Variants in MAP2 observed in about 807,000 individuals in gnomAD.
MAP2 encodes the protein microtubule-associated protein 2.
Under a neutral mutation model 137.6 loss-of-function variants are expected in MAP2, and 14 were observed. That is an observed-to-expected ratio of 0.10 (90% CI 0.07 to 0.16). The LOEUF is 0.16. Among genes scored for constraint, MAP2 ranks in the 10% least tolerant of loss-of-function variants. MAP2 has a pLI of 1.00. For missense variants in MAP2, 2,088 were observed against 2,191.5 expected (o/e 0.95, Z 0.94); for synonymous variants, 786 against 782.3 (o/e 1.00, Z -0.08).
intron 10 of MAP2, among the ~76,000 whole-genome samples, chr2:209,698,870 A>G (rs564845498): frequency 6.6e-6 from 1 of 152,204 alleles, no homozygotes; most frequent in African/African-American, 2.4e-5. Flanking sequence ...TAAAAACTCT[A>G]TAACCTACCT....
intron 2 of MAP2, among the ~76,000 whole-genome samples, chr2:209,538,037 C>G (rs2066259342): frequency 1.3e-5 from 2 of 152,104 alleles, no homozygotes; most frequent in Admixed American, 1.3e-4. Flanking sequence ...CAGATTGAAC[C>G]CAGTCTATCT....
chr2:209,713,227 A>G (rs1216484496), intron 13 of MAP2, among the ~76,000 whole-genome samples: 1 of 152,220 alleles, frequency 6.6e-6, no homozygotes, highest in African/African-American at 2.4e-5. Context: ...AAATTGGTAG[A>G]GGAAATCTAT....
chr2:209,715,844 A>C (rs948890730), intron 13 of MAP2, among the ~76,000 whole-genome samples: 3 of 152,324 alleles, frequency 2.0e-5, no homozygotes, highest in Middle Eastern at 6.8e-3. Context: ...TGCTATTATT[A>C]CATTATTATT....
intron 1 of MAP2, among the ~76,000 whole-genome samples, chr2:209,435,199 AGTT>A (rs1208382169): frequency 6.6e-6 from 1 of 151,414 alleles, no homozygotes; most frequent in Non-Finnish European, 1.5e-5. Flanking sequence ...GTTCTCCTCT[AGTT>A]GACAGTCACT....
chr2:209,529,636 C>A (rs767894039), intron 2 of MAP2, among the ~76,000 whole-genome samples: 1 of 152,028 alleles, frequency 6.6e-6, no homozygotes, highest in Non-Finnish European at 1.5e-5. Flanking sequence ...AAATAGAATT[C>A]AATCTAAAAT....
At chr2:209,480,281 A>C (rs952892325) in intron 1 of MAP2, among the ~76,000 whole-genome samples, 2 of 152,152 alleles carry the variant, frequency 1.3e-5, no homozygotes, top group African/African-American at 4.8e-5. Context: ...ACTTAGTACT[A>C]TACCCTTTAG....
At chr2:209,479,725 A>C (rs920020373) in intron 1 of MAP2, among the ~76,000 whole-genome samples, 1 of 152,164 alleles carries the variant, frequency 6.6e-6, no homozygotes, top group Non-Finnish European at 1.5e-5. Flanking sequence ...TACATAAAAC[A>C]ATATTTTTAG....
In MAP2 at chr2:209,634,843, C is replaced by T. The variant is rs557819758; in HGVS notation, c.-30+9714C>T. 3.3e-5 allele frequency among the ~76,000 whole-genome samples: 5 copies of T among 152,188 alleles called. No individual in the cohort carries two copies. In the South Asian group the frequency reaches 1.0e-3, roughly 32 times the overall value. ...TAAAATAGTAAATGTATTAAATACA[C>T]TAGTTTATCGAACTTAATTCTTATA... On this transcript the variant is annotated intron_variant, in intron 4 of 15. Transcript: ENST00000682079.
At chr2:209,726,449 C>T (rs1040214088) in intron 14 of MAP2, among the ~76,000 whole-genome samples, 2 of 152,092 alleles carry the variant, frequency 1.3e-5, no homozygotes, top group Non-Finnish European at 2.9e-5. Flanking sequence ...TCATGTATTA[C>T]ATGTTTTTGT....
intron 4 of MAP2, among the ~76,000 whole-genome samples, chr2:209,635,052 A>G (rs1316063288): frequency 6.6e-6 from 1 of 152,120 alleles, no homozygotes; most frequent in African/African-American, 2.4e-5. Context: ...AGCTATGATC[A>G]TGCCACTACA....
At chr2:209,473,111 A>G (rs960945112) in intron 1 of MAP2, among the ~76,000 whole-genome samples, 10 of 152,118 alleles carry the variant, frequency 6.6e-5, no homozygotes, top group Non-Finnish European at 1.5e-4. Context: ...TCCTCCCCAC[A>G]TCAACTATTA....
chr2:209,472,601 T>C (rs1331222667), intron 1 of MAP2, among the ~76,000 whole-genome samples: 1 of 152,144 alleles, frequency 6.6e-6, no homozygotes, highest in Non-Finnish European at 1.5e-5. Context: ...GCTTGAGTGT[T>C]GAAATACCTC....
At chr2:209,661,545 A>C (rs768824748) in intron 5 of MAP2, 14 of 985,430 alleles carry the variant, frequency 1.4e-5, no homozygotes, top group Non-Finnish European at 1.6e-5. Context: ...ACTGCGAAGC[A>C]TCTGGGCCTG....
chr2:209,549,576 A>G (rs1243873412), intron 2 of MAP2, among the ~76,000 whole-genome samples: 1 of 152,138 alleles, frequency 6.6e-6, no homozygotes, highest in Non-Finnish European at 1.5e-5. Flanking sequence ...TTTGTAAAAG[A>G]TATTTGTTTA....
intron 13 of MAP2, among the ~76,000 whole-genome samples, chr2:209,716,029 C>CGCAGGAGTAGT (rs1474795239): frequency 6.6e-6 from 1 of 152,102 alleles, no homozygotes; most frequent in Non-Finnish European, 1.5e-5. Flanking sequence ...ACTACCTTAG[C>CGCAGGAGTAGT]GCAGGATACA....
intron 4 of MAP2, among the ~76,000 whole-genome samples, chr2:209,649,022 T>C (rs760548948): frequency 1.8e-4 from 28 of 152,192 alleles, no homozygotes; most frequent in South Asian, 1.5e-3. Context: ...GTCTTTGTCT[T>C]CACTTTTTTA....
chr2:209,518,585 T>G (rs1394043090), intron 2 of MAP2, among the ~76,000 whole-genome samples: 2 of 152,202 alleles, frequency 1.3e-5, no homozygotes, highest in Non-Finnish European at 2.9e-5. Flanking sequence ...CCTTCTTTCT[T>G]AGTCTTCCAC....
At chr2:209,705,006 A>G (rs2062965710) in intron 11 of MAP2, among the ~76,000 whole-genome samples, 1 of 151,748 alleles carries the variant, frequency 6.6e-6, no homozygotes, top group Admixed American at 6.6e-5. Context: ...ACTAAACGTC[A>G]TATACATCAG....
chr2:209,694,131 C>A lies in MAP2; in HGVS notation c.1961C>A (p.Ser654Tyr), dbSNP rs1352591650. 2.5e-6 allele frequency: 4 copies of A among 1,613,914 alleles called. No homozygotes were observed. The highest frequency in any genetic ancestry group is 3.4e-6 in the Non-Finnish European group (4 of 1,179,982). The change falls in exon 8 of 16, where the codon TCT becomes TAT. Residue 654 changes from serine (S) to tyrosine (Y), a missense_variant. Ser to Tyr is a moderately radical substitution (Grantham distance 144). Around this residue, in one of 6 missense-constraint regions of MAP2, gnomAD observed 859 missense variants for 794.5 expected, o/e 1.08. Transcript: ENST00000682079. ...TCAGATTTACCTGAAGAACCCAGTT[C>A]TCCTCAAGAAAGAATGTTCACTATT... ...YPSDLPEEPS[S>Y]PQERMFTIDP...
Sources: allele counts gnomAD v4.1 joint callset (sites outside exome capture counted in the v4.1 genomes callset), GRCh38; gene constraint gnomAD v4.1.1; regional missense constraint gnomAD v4.1.1; transcripts MANE v1.5; gene names NCBI Gene and HGNC (gene_info 2026-07-23, HGNC 2026-07-21).